Variants in SIN3A observed in about 807,000 individuals in gnomAD.
SIN3A encodes the protein paired amphipathic helix protein Sin3a.
SIN3A carries 14 observed loss-of-function variants against 146.1 expected under a neutral mutation model. That is an observed-to-expected ratio of 0.10 (90% CI 0.06 to 0.15). The LOEUF is 0.15. Among genes scored for constraint, SIN3A ranks in the 10% least tolerant of loss-of-function variants. The probability of loss-of-function intolerance (pLI) is 1.00; values close to 1 mark genes in which losing one functional copy is unlikely to be tolerated. For synonymous variants in SIN3A, 572 were observed against 572.0 expected, an observed-to-expected ratio of 1.00 and a Z score of 0.00; for missense variants, 1,028 against 1,576.0, an observed-to-expected ratio of 0.65 and a Z score of 5.89.
intron 1 of SIN3A, among the ~76,000 whole-genome samples, chr15:75,443,122 A>C (rs1397434464): frequency 6.6e-6 from 1 of 151,584 alleles, no homozygotes; most frequent in Non-Finnish European, 1.5e-5. Context: ...CTGGCTGAAG[A>C]CTCTTATTTT....
At chr15:75,455,029 G>GGA (rs1381125820), upstream of SIN3A, 2 of 151,718 alleles carry the variant, frequency 1.3e-5, no homozygotes, top group East Asian at 3.9e-4. Context: ...GGCTCTTTCC[G>GGA]GTGGCCTCTC....
chr15:75,393,369 A>C (rs1157973234), intron 14 of SIN3A, among the ~76,000 whole-genome samples: 2 of 152,134 alleles, frequency 1.3e-5, no homozygotes, highest in Non-Finnish European at 2.9e-5. Flanking sequence ...GTAGGACAGA[A>C]TTGGAACCAT....
chr15:75,437,664 C>T (rs141518929), intron 1 of SIN3A, among the ~76,000 whole-genome samples: 168 of 152,254 alleles, frequency 1.1e-3, no homozygotes, highest in African/African-American at 3.7e-3. Flanking sequence ...GAAAGCCAAA[C>T]GATGGAACCA....
At chr15:75,397,915 A>G (rs191192493) in intron 12 of SIN3A, among the ~76,000 whole-genome samples, 4 of 152,278 alleles carry the variant, frequency 2.6e-5, no homozygotes, top group East Asian at 1.9e-4. Context: ...AACACTCCCT[A>G]TGGAAGTTAA....
At chr15:75,376,285 T>C (rs2072854114) in intron 19 of SIN3A, 1 of 190,694 alleles carries the variant, frequency 5.2e-6, no homozygotes, top group South Asian at 1.0e-4. Flanking sequence ...ATTTGTCTTA[T>C]TCTCTTTAAC....
At chr15:75,402,556 CT>C (rs2073430712) in intron 9 of SIN3A, among the ~76,000 whole-genome samples, 1 of 151,978 alleles carries the variant, frequency 6.6e-6, no homozygotes, top group Non-Finnish European at 1.5e-5. Context: ...GAAATTTAAA[CT>C]GATATTTGAT....
At position 75,396,426 on chromosome 15, in the gene SIN3A, C is replaced by T. The variant is rs1367175436; in HGVS notation, c.1925G>A (p.Arg642His). ...VLEAIQKKLS[R>H]LSAEEQAKFR... ...TTTGGCTTGTTCTTCAGCAGACAAG[C>T]GGGAAAGCTTCTTCTGTATTGCTTC... Residue 642 changes from arginine (R) to histidine (H), a missense_variant, in exon 13 of 21, where the codon CGC becomes CAC. By Grantham distance (29) the Arg-to-His change is conservative. Around this residue, in one of 9 missense-constraint regions of SIN3A, gnomAD observed 157 missense variants for 284.8 expected, o/e 0.55. Coordinates refer to ENST00000394947, the MANE Select transcript of SIN3A (RefSeq NM_001145358.2). 14 of 1,613,912 alleles carry T rather than the reference C, an allele frequency of 8.7e-6. No individual in the cohort carries two copies. The highest frequency in any genetic ancestry group is 4.5e-5 in the East Asian group (2 of 44,894).
At chr15:75,446,205 T>C (rs1054949095) in intron 1 of SIN3A, 5 of 151,742 alleles carry the variant, frequency 3.3e-5, no homozygotes, top group African/African-American at 1.2e-4. Context: ...TTTGAAATTG[T>C]AGATAAGAAT....
upstream of SIN3A, among the ~76,000 whole-genome samples, chr15:75,452,446 GA>G (rs2074426140): frequency 6.6e-6 from 1 of 152,196 alleles, no homozygotes; most frequent in Non-Finnish European, 1.5e-5. Context: ...CAAAAAAAAT[GA>G]GAGAATGAGA....
intron 1 of SIN3A, among the ~76,000 whole-genome samples, chr15:75,434,504 G>A (rs934429525): frequency 6.6e-6 from 1 of 152,038 alleles, no homozygotes; most frequent in Non-Finnish European, 1.5e-5. Flanking sequence ...ACAAAAATTA[G>A]CCGGGTGTGG....
chr15:75,418,739 G>A (rs936680059), intron 3 of SIN3A, among the ~76,000 whole-genome samples: 4 of 151,860 alleles, frequency 2.6e-5, no homozygotes, highest in African/African-American at 9.7e-5. Context: ...AATGGATTGA[G>A]ACAAATGGCC....
intron 2 of SIN3A, among the ~76,000 whole-genome samples, chr15:75,427,720 G>A (rs1276683272): frequency 3.3e-5 from 5 of 151,640 alleles, no homozygotes; most frequent in South Asian, 2.1e-4. Flanking sequence ...CTGTAATCCC[G>A]GTACTTTGGA....
intron 1 of SIN3A, chr15:75,446,501 T>A (rs964473302): frequency 2.0e-5 from 3 of 151,978 alleles, no homozygotes; most frequent in Middle Eastern, 3.4e-3. Flanking sequence ...AGGTGTTTTT[T>A]TATTTTTTGA....
chr15:75,392,578 C>T lies in SIN3A; in HGVS notation c.2515G>A (p.Glu839Lys). 1 of 1,614,146 alleles carries T rather than the reference C, an allele frequency of 6.2e-7. No individual in the cohort carries two copies. The highest frequency in any genetic ancestry group is 8.5e-7 in the Non-Finnish European group (1 of 1,180,026). ...GDLSDVEEEE[E>K]EEMDVDEATG... ...GCTTCATCTACATCCATCTCTTCTT[C>T]TTCCTCTTCCTCCACATCTGAGAGA... The change falls in exon 15 of 21, where the codon GAA (glutamate) becomes AAA (lysine). Residue 839 changes from glutamate to lysine, a missense_variant. Physicochemically the swap from Glu to Lys is moderately conservative, Grantham distance 56. This residue lies in a region of SIN3A where 488 missense variants were observed against 690.2 expected (regional missense o/e 0.71). Coordinates refer to ENST00000394947, the MANE Select transcript of SIN3A (RefSeq NM_001145358.2).
chr15:75,400,212 T>A, intron 11 of SIN3A, 56 bp from the exon 12 acceptor site: 2 of 938,696 alleles, frequency 2.1e-6, no homozygotes, highest in Non-Finnish European at 1.7e-6. Context: ...TTCTGGTGAT[T>A]AAGCATTCTG....
At chr15:75,390,153 C>T (rs1311625410) in intron 15 of SIN3A, among the ~76,000 whole-genome samples, 1 of 152,122 alleles carries the variant, frequency 6.6e-6, no homozygotes. Flanking sequence ...TGTTGGCTCC[C>T]CTGCTGAGAG....
chr15:75,394,616 G>A, intron 14 of SIN3A, 64 bp downstream of exon 14: 1 of 1,355,784 alleles, frequency 7.4e-7, no homozygotes, highest in Non-Finnish European at 1.0e-6. Flanking sequence ...GTAATTTCCA[G>A]AAATCAAAGC....
chr15:75,369,537 A>G lies in SIN3A; in HGVS notation c.*2442T>C, dbSNP rs1423560239. The G allele has an allele frequency of 6.6e-6, 1 of 152,262 alleles. No individual in the cohort carries two copies. Among genetic ancestry groups the G allele is most frequent in the Non-Finnish European group, 1.5e-5 (1 of 68,042 alleles). The allele number at this position is 152,262 out of a possible 1,614,324, so 9.4% of individuals were successfully genotyped here. A position where few individuals can be genotyped will look rare whatever the true frequency, so the allele number is the denominator to read the frequency against. ...AGGTTGGGTTTAGAGCTTGGAGCTC[A>G]GATGTCAGACAGCAGGAGGAATAAA... On this transcript the variant is annotated 3_prime_UTR_variant, in exon 21 of 21. Transcript: ENST00000394947.
chr15:75,406,547 C>T (rs1209569045), intron 9 of SIN3A, among the ~76,000 whole-genome samples: 2 of 152,104 alleles, frequency 1.3e-5, no homozygotes, highest in African/African-American at 4.8e-5. Flanking sequence ...ATTAGCCGGG[C>T]GAGGTGGTGG....
Sources: gnomAD v4.1 joint callset for allele counts (sites outside exome capture counted in the v4.1 genomes callset) on GRCh38, gnomAD v4.1.1 for gene constraint, gnomAD v4.1.1 regional missense constraint, MANE v1.5 for transcripts, NCBI Gene and HGNC (gene_info 2026-07-23, HGNC 2026-07-21) for gene names.